Variants in M6PR observed in about 807,000 individuals in gnomAD.
The protein encoded by M6PR is cation-dependent mannose-6-phosphate receptor.
In M6PR, 19 loss-of-function variants were observed where a neutral mutation model predicts 33.1. That is an observed-to-expected ratio of 0.57 (90% CI 0.40 to 0.84). The LOEUF (loss-of-function observed/expected upper bound fraction) is 0.84. M6PR is among the 40% of genes least tolerant of loss of function. The pLI is 0.00. For synonymous variants in M6PR, 111 were observed against 123.4 expected (o/e 0.90, Z 0.67); for missense variants, 295 against 336.0 (o/e 0.88, Z 0.95).
At position 8,941,842 on chromosome 12, in the gene M6PR, CCTTT is replaced by C; in HGVS notation, c.806_809del (p.Glu269GlyfsTer53). ...TCTACATTGGTAATAAATGGTCATC[CCTTT>C]CTTCTGACTCCTCCCCCAGCTGGTC... is the stretch of plus-strand genomic sequence containing the variant. On this transcript the variant is annotated frameshift_variant, in exon 7 of 7. Coordinates refer to ENST00000000412, the MANE Select transcript of M6PR (RefSeq NM_002355.4). LOFTEE classifies it high-confidence loss of function. The C allele has an allele frequency of 6.2e-7, 1 of 1,614,116 alleles. No homozygotes were observed. The highest frequency in any genetic ancestry group is 8.5e-7 in the Non-Finnish European group (1 of 1,180,014).
chr12:8,945,476 T>C lies in M6PR; in HGVS notation c.285A>G (p.Lys95=), dbSNP rs766990238. ...TSGAGLVQIN[K]SNGKETVVGR... Reference sequence around the variant, plus strand: ...CTACCACTGTCTCCTTCCCATTACTTTTGTTGATTTGCACCAGGCCTGCCC... The same window carrying C: ...CTACCACTGTCTCCTTCCCATTACTCTTGTTGATTTGCACCAGGCCTGCCC... Residue 95 remains lysine, a synonymous_variant, in exon 3 of 7, where the codon AAA becomes AAG. Transcript: ENST00000000412. The C allele has an allele frequency of 1.2e-6, 2 of 1,614,118 alleles. No homozygotes were observed. The highest frequency in any genetic ancestry group is 1.7e-6 in the Non-Finnish European group (2 of 1,180,008).
intron 2 of M6PR, 50 bp downstream of exon 2, chr12:8,946,179 G>T: frequency 6.5e-7 from 1 of 1,534,644 alleles, no homozygotes; most frequent in Non-Finnish European, 8.9e-7. Context: ...AAGAAGAAAA[G>T]ACTTTAACAT....
chr12:8,947,756 T>C (rs999247237), intron 1 of M6PR, among the ~76,000 whole-genome samples: 4 of 152,070 alleles, frequency 2.6e-5, no homozygotes, highest in Admixed American at 1.3e-4. Flanking sequence ...GCTCATGGTC[T>C]GTGTTGAACA....
intron 1 of M6PR, among the ~76,000 whole-genome samples, chr12:8,947,907 A>C (rs933917305): frequency 1.3e-5 from 2 of 152,002 alleles, no homozygotes; most frequent in Admixed American, 6.6e-5. Context: ...AGGAGGTGAA[A>C]TAAAGAACTC....
rs906038367 is a variant in M6PR, at chr12:8,949,192, C to T, written c.-2+296G>A. On this transcript the variant is annotated intron_variant, in intron 1 of 6. Coordinates refer to ENST00000000412, the MANE Select transcript of M6PR (RefSeq NM_002355.4). The surrounding 1 kb of genome is among the most constrained non-coding windows in gnomAD (Gnocchi z 5.6). ...GTGATGCAGGCCAAAATTCCTCCTACAAATAAATCCACCAACACCTCCAAC... is the reference window on the plus strand; with the variant it reads ...GTGATGCAGGCCAAAATTCCTCCTATAAATAAATCCACCAACACCTCCAAC... 6.6e-6 allele frequency among the ~76,000 whole-genome samples: 1 copy of T among 152,122 alleles called. No homozygotes were observed. Among genetic ancestry groups the T allele is most frequent in the Non-Finnish European group, 1.5e-5 (1 of 68,024 alleles).
intron 1 of M6PR, among the ~76,000 whole-genome samples, chr12:8,947,518 A>C (rs1946113294): frequency 6.6e-6 from 1 of 152,198 alleles, no homozygotes; most frequent in African/African-American, 2.4e-5. Flanking sequence ...ATCATAGCTA[A>C]CCAAGAGGTC....
chr12:8,943,301 G>T, intron 5 of M6PR, 104 bp downstream of exon 5: 1 of 1,303,768 alleles, frequency 7.7e-7, no homozygotes, highest in Non-Finnish European at 1.1e-6. Context: ...ATCAATTACA[G>T]CATAATGTAC....
At chr12:8,948,101 A>G (rs1357766117) in intron 1 of M6PR, among the ~76,000 whole-genome samples, 1 of 152,236 alleles carries the variant, frequency 6.6e-6, no homozygotes, top group African/African-American at 2.4e-5. Flanking sequence ...AATTAGAACA[A>G]GGAATCTCAC....
At chr12:8,946,888 C>T (rs772622176) in intron 1 of M6PR, 2 of 153,112 alleles carry the variant, frequency 1.3e-5, no homozygotes, top group South Asian at 4.1e-4. Flanking sequence ...AAATTCAATG[C>T]ACCTGCTGCT....
At position 8,941,569 on chromosome 12, in the gene M6PR, C is replaced by G; in HGVS notation, c.*249G>C. The G allele has an allele frequency of 2.6e-6, 1 of 387,210 alleles. No individual in the cohort carries two copies. The highest frequency in any genetic ancestry group is 6.2e-5 in the South Asian group (1 of 16,092). 24.0% of individuals were successfully genotyped at this position (387,210 alleles called of 1,614,324 possible). On this transcript the variant is annotated 3_prime_UTR_variant, in exon 7 of 7. Coordinates refer to ENST00000000412, the MANE Select transcript of M6PR (RefSeq NM_002355.4). ...CTGATGTCAAGAGACAATGCAAAAG[C>G]CTCTGTTTTCACAGGCCCTATTATA...
intron 2 of M6PR, among the ~76,000 whole-genome samples, chr12:8,946,010 CAAAT>C (rs1287852048): frequency 6.6e-6 from 1 of 152,156 alleles, no homozygotes; most frequent in Admixed American, 6.6e-5. Context: ...ATGTAGGTGT[CAAAT>C]AATCCTTAAA....
intron 3 of M6PR, 107 bp downstream of exon 3, chr12:8,945,311 G>A (rs1946077919): frequency 4.3e-6 from 5 of 1,171,488 alleles, no homozygotes; most frequent in African/African-American, 1.5e-5. Flanking sequence ...CGAACCACAC[G>A]TATGATATGC....
chr12:8,942,917 A>G (rs1432043376), intron 5 of M6PR, among the ~76,000 whole-genome samples: 1 of 151,858 alleles, frequency 6.6e-6, no homozygotes, highest in Non-Finnish European at 1.5e-5. Flanking sequence ...GCAACTAAAC[A>G]TTAAATCTCA....
chr12:8,941,722 T>G lies in M6PR; in HGVS notation c.*96A>C. The G allele has an allele frequency of 3.8e-5, 55 of 1,449,938 alleles. No individual in the cohort carries two copies. The highest frequency in any genetic ancestry group is 5.0e-5 in the Non-Finnish European group (52 of 1,038,968). The allele number at this position is 1,449,938 out of a possible 1,614,324, so 89.8% of individuals were successfully genotyped here. ...TGGAAAGCAAGAGCAATAGTAAGGG[T>G]GAGATGAGGGACTGGAGTTGAGACT... On this transcript the variant is annotated 3_prime_UTR_variant, in exon 7 of 7. Transcript: ENST00000000412.
intron 3 of M6PR, 66 bp downstream of exon 3, chr12:8,945,352 G>C (rs916658730): frequency 6.4e-7 from 1 of 1,560,332 alleles, no homozygotes; most frequent in Non-Finnish European, 8.8e-7. Flanking sequence ...AAGACATACA[G>C]GATTGTCAGA....
At chr12:8,947,052 T>G (rs963068094) in intron 1 of M6PR, among the ~76,000 whole-genome samples, 12 of 152,158 alleles carry the variant, frequency 7.9e-5, no homozygotes, top group Non-Finnish European at 8.8e-5. Flanking sequence ...CAGACTGACT[T>G]ACCCTTGCAA....
At chr12:8,943,049 G>A (rs956585104) in intron 5 of M6PR, among the ~76,000 whole-genome samples, 1 of 151,182 alleles carries the variant, frequency 6.6e-6, no homozygotes, top group African/African-American at 2.4e-5. Context: ...CACCTCCCAG[G>A]TTCAAGTGAT....
rs757927047 is a variant in M6PR at position 8,946,360 on chromosome 12, T to C, written c.45A>G (p.Leu15=). ...YSCWRTGLLL[L]LLAVAVRESW... ...ATTCTCTCACTGCCACAGCCAGGAG[T>C]AGTAGTAGCAGTCCAGTCCTCCAGC... Residue 15 remains leucine, a synonymous_variant, in exon 2 of 7, where the codon CTA becomes CTG. Coordinates refer to ENST00000000412, the MANE Select transcript of M6PR (RefSeq NM_002355.4). 5.0e-6 allele frequency: 8 copies of C among 1,613,722 alleles called. No homozygotes were observed. The highest frequency in any genetic ancestry group is 2.7e-5 in the African/African-American group (2 of 74,834).
Position 8,945,421 on chromosome 12 carries a change from C to G in M6PR, c.340G>C (p.Gly114Arg), listed in dbSNP as rs1300155306. Reference protein sequence around the residue: ...GRLNETHIFNGSNWIMLIYKG... With the variant: ...GRLNETHIFNRSNWIMLIYKG... ...GTAGGAAGGGGAGTTTTCTTACTTC[C>G]GTTGAAGATGTGAGTCTCGTTGAGT... The change falls in exon 3 of 7, where the codon GGA (glycine) becomes CGA (arginine). Residue 114 changes from glycine (G) to arginine (R), a missense_variant. Transcript: ENST00000000412. 6.2e-7 allele frequency: 1 copy of G among 1,613,750 alleles called. No individual in the cohort carries two copies. The highest frequency in any genetic ancestry group is 8.5e-7 in the Non-Finnish European group (1 of 1,179,912).
Sources: gnomAD v4.1 joint callset for allele counts (sites outside exome capture counted in the v4.1 genomes callset) on GRCh38, gnomAD v4.1.1 for gene constraint, Gnocchi (gnomAD v3.1) non-coding constraint, MANE v1.5 for transcripts, NCBI Gene and HGNC (gene_info 2026-07-23, HGNC 2026-07-21) for gene names.